The following NBPF12 variants were observed in gnomAD, a reference collection of about 807,000 sequenced individuals.
NBPF12 encodes the protein NBPF family member NBPF12.
A neutral mutation model predicts 146.4 loss-of-function variants in NBPF12; 115 were observed. The observed-to-expected ratio is 0.79, with a 90% CI of 0.68 to 0.92. The LOEUF is 0.92. Ranked by LOEUF, NBPF12 falls within the 40% of genes least tolerant of loss-of-function variation. NBPF12 has a pLI of 0.00. For synonymous variants in NBPF12, 385 were observed against 508.9 expected, an observed-to-expected ratio of 0.76 and a Z score of 3.28; for missense variants, 1,205 against 1,326.8, an observed-to-expected ratio of 0.91 and a Z score of 1.43.
chr1:146,963,332 T>C (rs1655978905), intron 6 of NBPF12, 23 bp downstream of exon 9: 1 of 1,611,522 alleles, frequency 6.2e-7, no homozygotes, highest in Non-Finnish European at 8.5e-7. Context: ...TAGGCCCTGA[T>C]GACCCAAAAC....
chr1:146,991,039 C>T (rs2101929284), intron 29 of NBPF12, 74 bp from the exon 33 acceptor site: 1 of 586,070 alleles, frequency 1.7e-6, no homozygotes, highest in South Asian at 2.0e-5. Flanking sequence ...CTTATGTTAG[C>T]CATGAAATCT....
exon 8 of NBPF12, chr1:146,964,934 C>T (rs1317429897): frequency 1.2e-6 from 2 of 1,608,168 alleles, no homozygotes; most frequent in African/African-American, 2.7e-5. Context: ...CCTGAGGACT[C>T]ACTGGAGGAA....
At position 146,955,013 on chromosome 1, in the gene NBPF12, T is replaced by TATATAC. The variant is rs1411814328; in HGVS notation, c.-184+3525_-184+3526insTATACA. Among the ~76,000 whole-genome samples, 119 of 67,392 alleles carry TATATAC rather than the reference T, an allele frequency of 1.8e-3. 1 individual carries two copies. The highest frequency in any genetic ancestry group is 2.6e-3 in the Non-Finnish European group (91 of 35,430). The allele number at this position is 67,392 out of a possible 152,430, so 44.2% of individuals were successfully genotyped here. A position where few individuals can be genotyped will look rare whatever the true frequency, so the allele number is the denominator to read the frequency against. ...ATATATATATATATATATATATATATACACACACACACACATATATATATT... is the reference window on the plus strand; with the variant it reads ...ATATATATATATATATATATATATATATATACACACACACACACACATATATATATT... On this transcript the variant is annotated intron_variant, in intron 2 of 33. Transcript: ENST00000617844.
At chr1:146,957,011 A>AT (rs1164905156) in intron 2 of NBPF12, 4 of 131,252 alleles carry the variant, frequency 3.0e-5, no homozygotes, top group African/African-American at 8.1e-5. Context: ...ACAGTTATTG[A>AT]TTTTTTTTAG....
At chr1:146,975,399 T>C (rs1474938182) in intron 15 of NBPF12, among the ~76,000 whole-genome samples, 1 of 149,226 alleles carries the variant, frequency 6.7e-6, no homozygotes, top group African/African-American at 2.5e-5. Context: ...AAAGGATGTC[T>C]TTTTGAAACG....
intron 7 of NBPF12, 73 bp downstream of exon 10, chr1:146,964,502 G>C (rs1476806842): frequency 6.3e-7 from 1 of 1,590,520 alleles, no homozygotes; most frequent in Non-Finnish European, 8.6e-7. Flanking sequence ...ACCCTCTCTG[G>C]CATCTATGGT....
At chr1:146,963,306 C>A (rs1655976888) in exon 6 of NBPF12, 18 of 1,611,608 alleles carry the variant, frequency 1.1e-5, no homozygotes, top group Non-Finnish European at 1.5e-5. Flanking sequence ...AAAGCTCAGC[C>A]CAGGTAAGGT....
chr1:146,994,831 A>T (rs1388204863), exon 34 of NBPF12: 2 of 716,378 alleles, frequency 2.8e-6, no homozygotes, highest in Non-Finnish European at 4.3e-6. Flanking sequence ...TTTTAATTTG[A>T]ACCATGTATC....
At chr1:146,980,768 T>TC (rs1657321292) in intron 19 of NBPF12, among the ~76,000 whole-genome samples, 1 of 146,816 alleles carries the variant, frequency 6.8e-6, no homozygotes, top group Non-Finnish European at 1.5e-5. Flanking sequence ...GACCCAGCCA[T>TC]CCCATTACTG....
At chr1:146,941,903 G>A (rs1570807152) in intron 1 of NBPF12, among the ~76,000 whole-genome samples, 2 of 149,236 alleles carry the variant, frequency 1.3e-5, no homozygotes, top group Non-Finnish European at 3.0e-5. Flanking sequence ...CTGTTGCCCA[G>A]GCTGAAGTGT....
intron 10 of NBPF12, among the ~76,000 whole-genome samples, chr1:146,969,153 A>G (rs1176083647): frequency 2.0e-5 from 3 of 151,382 alleles, no homozygotes; most frequent in Admixed American, 1.3e-4. Flanking sequence ...CAGAAGGGAA[A>G]GATGAATGGA....
chr1:146,960,217 G>T (rs1203783396), exon 4 of NBPF12: 1 of 1,017,040 alleles, frequency 9.8e-7, no homozygotes. Flanking sequence ...GAGAAATTGC[G>T]CCCCCAGTTG....
In NBPF12 at chr1:146,977,354, G is replaced by C. The variant is rs1269581257; in HGVS notation, c.2193-112G>C. On this transcript the variant is annotated intron_variant, in intron 17 of 33. Transcript: ENST00000617844. ...CCCTCTTAATGGGAACGTCCATTTT[G>C]CTTTCTGGGACCACTCTCTTAATGC... 2.8e-5 allele frequency: 25 copies of C among 877,520 alleles called. No homozygotes were observed. The Middle Eastern group carries it at 1.0e-3, about 36-fold the overall frequency. The allele number at this position is 877,520 out of a possible 1,614,324, so 54.4% of individuals were successfully genotyped here.
chr1:146,994,928 T>C (rs1658452537), exon 34 of NBPF12: 1 of 377,284 alleles, frequency 2.7e-6, no homozygotes, highest in South Asian at 2.5e-5. Context: ...GTGTCATCTT[T>C]GTGTTTAGTT....
chr1:146,953,395 G>A (rs1390299247), intron 2 of NBPF12, among the ~76,000 whole-genome samples: 2 of 139,498 alleles, frequency 1.4e-5, no homozygotes, highest in East Asian at 4.3e-4. Flanking sequence ...TTGACTGGGG[G>A]GAGATTGGAT....
rs1553886045 is a variant in NBPF12, at chr1:146,969,115, G to T, written c.1092-267G>T. Among the ~76,000 whole-genome samples, 868 of 151,322 alleles carry T rather than the reference G, an allele frequency of 5.7e-3. 23 individuals are homozygous for T. Among genetic ancestry groups the T allele is most frequent in the African/African-American group, 0.02 (819 of 40,906 alleles). Reference sequence around the variant, plus strand: ...ACTGAAAGGATGTCTTTTTGAAACGGAATTAGGAAGACACCTACTTTTGTT... The same window carrying T: ...ACTGAAAGGATGTCTTTTTGAAACGTAATTAGGAAGACACCTACTTTTGTT... On this transcript the variant is annotated intron_variant, in intron 10 of 33. Coordinates refer to ENST00000617844, the Ensembl canonical transcript of NBPF12.
chr1:146,975,275 A>G (rs1343042663), intron 15 of NBPF12, among the ~76,000 whole-genome samples: 1 of 130,070 alleles, frequency 7.7e-6, no homozygotes, highest in Non-Finnish European at 1.6e-5. Context: ...CGTCTTTTCA[A>G]TTCGCCCTAT....
rs1378814320 is a variant in NBPF12 at position 146,994,711 on chromosome 1, T to A, written c.*136T>A. On this transcript the variant is annotated 3_prime_UTR_variant, in exon 34 of 34. Transcript: ENST00000617844. The stretch of plus-strand genomic sequence containing the variant: ...AGTGGGCATGGCTCTATTCCTATTC[T>A]CAGAGCATGCCAGTGGCAACCTGTG... 3.9e-5 allele frequency: 56 copies of A among 1,434,488 alleles called. 1 individual carries two copies. In the Admixed American group the frequency reaches 5.2e-4, roughly 13 times the overall value. The allele number at this position is 1,434,488 out of a possible 1,614,324, so 88.9% of individuals were successfully genotyped here. A position where few individuals can be genotyped will look rare whatever the true frequency, so the allele number is the denominator to read the frequency against.
intron 5 of NBPF12, among the ~76,000 whole-genome samples, chr1:146,962,467 C>T (rs1655915908): frequency 1.3e-5 from 2 of 151,920 alleles, no homozygotes; most frequent in Non-Finnish European, 1.5e-5. Flanking sequence ...GCCTTGTTTT[C>T]TCTTTTTCAA....
Sources: gnomAD v4.1 joint callset for allele counts (sites outside exome capture counted in the v4.1 genomes callset) on GRCh38, gnomAD v4.1.1 for gene constraint, MANE v1.5 for transcripts, NCBI Gene and HGNC (gene_info 2026-07-23, HGNC 2026-07-21) for gene names.